Variants in C3orf22 observed in about 807,000 individuals in gnomAD.
C3orf22 encodes chromosome 3 open reading frame 22, also known as uncharacterized protein C3orf22.
Under a neutral mutation model 10.8 loss-of-function variants are expected in C3orf22, and 7 were observed. The ratio of observed to expected loss-of-function variants is 0.65; its 90% confidence interval spans 0.37 to 1.22. The LOEUF is 1.22. Ranked by LOEUF, C3orf22 falls within the 50% of genes most tolerant of loss-of-function variation. C3orf22 has a pLI of 0.02. For synonymous variants in C3orf22, 79 were observed against 78.9 expected (o/e 1.00, Z 0.00); for missense variants, 173 against 177.0 (o/e 0.98, Z 0.13).
chr3:126,552,313 C>G (rs1937209871), intron 2 of C3orf22, among the ~76,000 whole-genome samples, 191 bp from the exon 3 acceptor site: 2 of 152,258 alleles, frequency 1.3e-5, no homozygotes, highest in South Asian at 4.1e-4. Context: ...AACTGAGGCA[C>G]AGAGGTTCCA....
At chr3:126,538,339 C>T (rs150343400) in intron 4 of C3orf22, among the ~76,000 whole-genome samples, 1 of 152,242 alleles carries the variant, frequency 6.6e-6, no homozygotes, top group Non-Finnish European at 1.5e-5. Context: ...AGGAGGGCAT[C>T]CCAGGCAGAA....
intron 4 of C3orf22, among the ~76,000 whole-genome samples, chr3:126,533,204 CA>C (rs1169954273): frequency 1.3e-5 from 2 of 151,918 alleles, no homozygotes; most frequent in Non-Finnish European, 2.9e-5. Flanking sequence ...TATTACTTTC[CA>C]ACCTGGATGC....
At chr3:126,530,418 G>A (rs1936631345) in intron 4 of C3orf22, among the ~76,000 whole-genome samples, 1 of 152,224 alleles carries the variant, frequency 6.6e-6, no homozygotes, top group Admixed American at 6.5e-5. Context: ...CAGGGCCCTG[G>A]GGCGGAGACA....
chr3:126,541,857 A>G, intron 4 of C3orf22: 1 of 1,588,608 alleles, frequency 6.3e-7, no homozygotes, highest in Non-Finnish European at 8.6e-7. Context: ...GTGCTGGTGG[A>G]CGACGCGCAT....
chr3:126,534,356 TA>T (rs1936718347), intron 4 of C3orf22, among the ~76,000 whole-genome samples: 1 of 152,218 alleles, frequency 6.6e-6, no homozygotes, highest in South Asian at 2.1e-4. Context: ...TTTTTACTTA[TA>T]ATAGTTCTAG....
chr3:126,539,761 A>T, intron 4 of C3orf22, among the ~76,000 whole-genome samples: 3 of 69,898 alleles, frequency 4.3e-5, no homozygotes, highest in South Asian at 1.0e-3. Context: ...CACACTCCAC[A>T]CCACACACAC....
intron 1 of C3orf22, 78 bp from the exon 2 acceptor site, chr3:126,553,508 C>T: frequency 2.1e-6 from 2 of 933,332 alleles, no homozygotes; most frequent in South Asian, 1.4e-5. Context: ...CCCAGCAGGG[C>T]TGGGGGTGCC....
intron 4 of C3orf22, chr3:126,529,483 C>A: frequency 1.0e-6 from 1 of 975,834 alleles, no homozygotes; most frequent in Non-Finnish European, 1.4e-6. Flanking sequence ...GGGTCAAATT[C>A]TGTTTCTGGC....
chr3:126,541,895 G>A (rs779741509), intron 4 of C3orf22: 7 of 1,600,802 alleles, frequency 4.4e-6, no homozygotes, highest in East Asian at 2.3e-5. Context: ...CGTGCCCAAG[G>A]TGGCCTGCAC....
intron 4 of C3orf22, among the ~76,000 whole-genome samples, chr3:126,529,720 C>G (rs1419239260): frequency 1.3e-5 from 2 of 152,188 alleles, no homozygotes; most frequent in East Asian, 3.9e-4. Context: ...GTCTCCCTGT[C>G]TCTGTCATTG....
intron 4 of C3orf22, among the ~76,000 whole-genome samples, chr3:126,537,726 G>C (rs1484295988): frequency 6.6e-6 from 1 of 151,958 alleles, no homozygotes; most frequent in African/African-American, 2.4e-5. Context: ...ACTCCCTGGA[G>C]GCTTAGCACC....
intron 1 of C3orf22, among the ~76,000 whole-genome samples, chr3:126,557,500 C>T (rs114912009): frequency 0.011 from 1,687 of 152,318 alleles, 10 homozygotes; most frequent in African/African-American, 0.022. Flanking sequence ...GCTCATCCAT[C>T]CCTCTGAGGG....
intron 1 of C3orf22, among the ~76,000 whole-genome samples, chr3:126,556,323 G>A (rs1244900705): frequency 1.3e-5 from 2 of 152,104 alleles, no homozygotes; most frequent in African/African-American, 4.8e-5. Context: ...GCCCCTCTTT[G>A]GGGGCAGCTC....
At chr3:126,553,511 G>A (rs1324007663) in intron 1 of C3orf22, 81 bp from the exon 2 acceptor site, 8 of 937,364 alleles carry the variant, frequency 8.5e-6, no homozygotes, top group Non-Finnish European at 1.3e-5. Flanking sequence ...AGCAGGGCTG[G>A]GGGTGCCTGC....
chr3:126,545,776 G>A (rs776991204), downstream of C3orf22, among the ~76,000 whole-genome samples: 1 of 152,144 alleles, frequency 6.6e-6, no homozygotes, highest in African/African-American at 2.4e-5. Context: ...ATAAAGGTGC[G>A]GCTGCCTGGG....
chr3:126,537,495 T>C (rs921534350), intron 4 of C3orf22, among the ~76,000 whole-genome samples: 1 of 152,168 alleles, frequency 6.6e-6, no homozygotes, highest in Non-Finnish European at 1.5e-5. Context: ...CCCCAAATCC[T>C]GAGGGCTGAG....
chr3:126,557,035 T>C (rs1354753202), intron 1 of C3orf22, among the ~76,000 whole-genome samples: 4 of 146,502 alleles, frequency 2.7e-5, no homozygotes, highest in Non-Finnish European at 4.5e-5. Flanking sequence ...CACATACACA[T>C]ACACAGATTC....
At chr3:126,537,649 G>A (rs961582132) in intron 4 of C3orf22, among the ~76,000 whole-genome samples, 1 of 152,224 alleles carries the variant, frequency 6.6e-6, no homozygotes, top group African/African-American at 2.4e-5. Context: ...GGTTCCACTA[G>A]CTCTGGCGGC....
intron 1 of C3orf22, among the ~76,000 whole-genome samples, chr3:126,556,658 A>G (rs1576254042): frequency 6.6e-6 from 1 of 151,420 alleles, no homozygotes; most frequent in African/African-American, 2.4e-5. Flanking sequence ...ACACACACAC[A>G]CACACACTCA....
Sources: allele counts gnomAD v4.1 joint callset (sites outside exome capture counted in the v4.1 genomes callset), GRCh38; gene constraint gnomAD v4.1.1; transcripts MANE v1.5; gene names NCBI Gene and HGNC (gene_info 2026-07-23, HGNC 2026-07-21).